The following ASCC3 variants were observed in gnomAD, a reference collection of about 807,000 sequenced individuals.
ASCC3 encodes ASC-1 complex subunit P200.
A neutral mutation model predicts 256.3 loss-of-function variants in ASCC3; 158 were observed. The ratio of observed to expected loss-of-function variants is 0.62; its 90% CI spans 0.54 to 0.70. The LOEUF (loss-of-function observed/expected upper bound fraction) is 0.70, where lower values mean the gene tolerates loss of function less well. Ranked by LOEUF, ASCC3 falls within the 30% of genes least tolerant of loss-of-function variation. The probability of loss-of-function intolerance (pLI) is 0.00; values close to 1 mark genes in which losing one functional copy is unlikely to be tolerated. For missense variants in ASCC3, 2,259 were observed against 2,626.0 expected (o/e 0.86, Z 3.05); for synonymous variants, 948 against 883.4 (o/e 1.07, Z -1.30).
At chr6:100,658,676 A>G (rs761614006) in intron 16 of ASCC3, among the ~76,000 whole-genome samples, 21 of 151,444 alleles carry the variant, frequency 1.4e-4, no homozygotes, top group Admixed American at 7.9e-4. Context: ...TTTACAAGTG[A>G]ATAGAATAAC....
intron 3 of ASCC3, among the ~76,000 whole-genome samples, chr6:100,863,339 G>C (rs897894728): frequency 6.6e-6 from 1 of 152,112 alleles, no homozygotes; most frequent in South Asian, 2.1e-4. Context: ...AGTGTAGGAA[G>C]GGAAGTGAAG....
At chr6:100,681,737 A>AAAAAAAAAAAAAAAG in intron 13 of ASCC3, among the ~76,000 whole-genome samples, 1 of 151,048 alleles carries the variant, frequency 6.6e-6, no homozygotes, top group Non-Finnish European at 1.5e-5. Context: ...AAAAAAAAAA[A>AAAAAAAAAAAAAAAG]AAAAAAAAAA....
At chr6:100,616,840 C>G (rs549222274) in intron 30 of ASCC3, among the ~76,000 whole-genome samples, 15 of 152,244 alleles carry the variant, frequency 9.9e-5, no homozygotes, top group East Asian at 7.7e-4. Context: ...AGGGGCCGCC[C>G]TGCTGTTAAC....
chr6:100,686,079 C>A (rs1205747349), intron 13 of ASCC3, among the ~76,000 whole-genome samples: 5 of 152,196 alleles, frequency 3.3e-5, no homozygotes, highest in African/African-American at 1.2e-4. Context: ...CCCAATCAAA[C>A]ACACTAGCCC....
intron 33 of ASCC3, among the ~76,000 whole-genome samples, chr6:100,605,350 C>T (rs986550453): frequency 5.9e-5 from 9 of 152,012 alleles, no homozygotes; most frequent in African/African-American, 1.9e-4. Context: ...ATAGTCAATG[C>T]GTCTGAACAC....
intron 8 of ASCC3, among the ~76,000 whole-genome samples, chr6:100,768,214 G>C (rs1213928108): frequency 6.6e-6 from 1 of 152,070 alleles, no homozygotes; most frequent in Non-Finnish European, 1.5e-5. Flanking sequence ...ACATGTGCAG[G>C]TGTAGAATAT....
At chr6:100,572,817 GTATT>G (rs1472666587) in intron 36 of ASCC3, among the ~76,000 whole-genome samples, 10 of 152,042 alleles carry the variant, frequency 6.6e-5, no homozygotes, top group African/African-American at 2.4e-4. Context: ...ATTAAGCTCT[GTATT>G]TAATACTTAT....
intron 30 of ASCC3, among the ~76,000 whole-genome samples, chr6:100,608,473 TATAC>T (rs1562162544): frequency 1.7e-4 from 3 of 17,730 alleles, no homozygotes; most frequent in Non-Finnish European, 2.7e-4. Flanking sequence ...TTTATATATA[TATAC>T]TTTATATATA....
chr6:100,637,584 C>T (rs1774903729), intron 25 of ASCC3, among the ~76,000 whole-genome samples: 1 of 151,948 alleles, frequency 6.6e-6, no homozygotes, highest in South Asian at 2.1e-4. Flanking sequence ...TGGACCTGGG[C>T]AGAGTAAGTT....
intron 25 of ASCC3, among the ~76,000 whole-genome samples, chr6:100,637,946 G>A (rs1774926558): frequency 6.6e-6 from 1 of 152,168 alleles, no homozygotes; most frequent in Admixed American, 6.6e-5. Flanking sequence ...TGACAAAAAG[G>A]ATTTAGAATA....
intron 36 of ASCC3, among the ~76,000 whole-genome samples, chr6:100,551,353 T>C (rs1437635168): frequency 6.6e-6 from 1 of 151,782 alleles, no homozygotes; most frequent in African/African-American, 2.4e-5. Context: ...ACAAATATAA[T>C]GAGGAAGAGG....
rs533727851 is a variant in ASCC3, at chr6:100,641,085, T to C, written c.3901+1496A>G. Among the ~76,000 whole-genome samples, 6 of 152,260 alleles carry C rather than the reference T, an allele frequency of 3.9e-5. No homozygotes were observed. In the East Asian group the frequency reaches 1.2e-3, roughly 29 times the overall value. ...CTTATTATACTAGTTAATTAACAGA[T>C]TAGTTTAGGATTTTTTGAAATAGAG... is the stretch of plus-strand genomic sequence containing the variant. On this transcript the variant is annotated intron_variant, in intron 24 of 41. Coordinates refer to ENST00000369162, the MANE Select transcript of ASCC3 (RefSeq NM_006828.4).
chr6:100,852,272 AT>A (rs1445958190), intron 3 of ASCC3, among the ~76,000 whole-genome samples: 2 of 152,180 alleles, frequency 1.3e-5, no homozygotes, highest in African/African-American at 4.8e-5. Flanking sequence ...CAAAAATGTA[AT>A]TGGAAGGGAA....
rs78095947 is a variant in ASCC3 at position 100,777,661 on chromosome 6, T to G, written c.1396-10316A>C. Among the ~76,000 whole-genome samples the G allele has an allele frequency of 0.013, 1,953 of 152,140 alleles. 98 individuals carry two copies. The East Asian group carries it at 0.15, about 12-fold the overall frequency. ...GACAAGAACCAGGCCACGAAAAAAT[T>G]TGAAACCTCAGTACATTCTAGGCAA... is the stretch of plus-strand genomic sequence containing the variant. On this transcript the variant is annotated intron_variant, in intron 8 of 41. Coordinates refer to ENST00000369162, the MANE Select transcript of ASCC3 (RefSeq NM_006828.4).
intron 10 of ASCC3, among the ~76,000 whole-genome samples, chr6:100,728,615 C>T (rs898277404): frequency 1.3e-5 from 2 of 151,760 alleles, no homozygotes; most frequent in African/African-American, 4.8e-5. Context: ...TCAACAATAA[C>T]ATGGATAAAT....
chr6:100,579,522 C>T (rs1582484019), intron 36 of ASCC3, among the ~76,000 whole-genome samples: 1 of 152,050 alleles, frequency 6.6e-6, no homozygotes, highest in African/African-American at 2.4e-5. Context: ...CTTTTGTATA[C>T]GGGTAAGGAA....
At chr6:100,608,752 TA>T (rs1773223169) in intron 30 of ASCC3, among the ~76,000 whole-genome samples, 1 of 47,198 alleles carries the variant, frequency 2.1e-5, no homozygotes, top group Non-Finnish European at 3.8e-5. Flanking sequence ...TATATATATA[TA>T]TATATATATA....
At chr6:100,773,235 AAATT>A (rs1291878159) in intron 8 of ASCC3, among the ~76,000 whole-genome samples, 3 of 152,208 alleles carry the variant, frequency 2.0e-5, no homozygotes, top group Admixed American at 6.5e-5. Flanking sequence ...ATGTTGAAAT[AAATT>A]AATGGTAGCT....
At chr6:100,650,483 TG>T in intron 20 of ASCC3, 54 bp downstream of exon 20, 1 of 1,565,168 alleles carries the variant, frequency 6.4e-7, no homozygotes, top group South Asian at 1.1e-5. Context: ...ATTAACACCT[TG>T]GTCCTCTAAA....
Sources: gnomAD v4.1 joint callset for allele counts (sites outside exome capture counted in the v4.1 genomes callset) on GRCh38, gnomAD v4.1.1 for gene constraint, MANE v1.5 for transcripts, NCBI Gene and HGNC (gene_info 2026-07-23, HGNC 2026-07-21) for gene names.